Variants in ABLIM1 observed in about 807,000 individuals in gnomAD.
ABLIM1 encodes the protein actin-binding LIM protein 1.
A neutral mutation model predicts 107.0 loss-of-function variants in ABLIM1; 40 were observed. That is an observed-to-expected ratio of 0.37 (90% CI 0.29 to 0.49). The LOEUF (loss-of-function observed/expected upper bound fraction) is 0.49. ABLIM1 is among the 20% of genes least tolerant of loss of function. The pLI is 0.97. For synonymous variants in ABLIM1, 357 were observed against 357.3 expected (o/e 1.00, Z 0.01); for missense variants, 857 against 1,008.5 (o/e 0.85, Z 2.04).
intron 1 of ABLIM1, among the ~76,000 whole-genome samples, chr10:114,744,997 C>T (rs2082354045): frequency 6.6e-6 from 1 of 152,124 alleles, no homozygotes; most frequent in African/African-American, 2.4e-5. Context: ...GCCCCTCTCC[C>T]CAGATAGGGA....
In ABLIM1 at chr10:114,679,048, C is replaced by T. The variant is rs571002135; in HGVS notation, c.64+5242G>A. Among the ~76,000 whole-genome samples the T allele has an allele frequency of 4.7e-4, 72 of 152,194 alleles. No homozygotes were observed. In the South Asian group the frequency reaches 0.014, roughly 30 times the overall value. Reference sequence around the variant, plus strand: ...GGAATTGATGATGTGACTCATCTGGCTTATAGAATAAAGAAGTGACAGTGT... The same window carrying T: ...GGAATTGATGATGTGACTCATCTGGTTTATAGAATAAAGAAGTGACAGTGT... On this transcript the variant is annotated intron_variant, in intron 1 of 23. Transcript: ENST00000369256.
chr10:114,711,713 A>G (rs2141954988), intron 1 of ABLIM1, among the ~76,000 whole-genome samples: 1 of 152,286 alleles, frequency 6.6e-6, no homozygotes. Flanking sequence ...AGTCGATGCT[A>G]GAACCTGAAG....
chr10:114,639,999 C>A (rs145872991), intron 1 of ABLIM1, among the ~76,000 whole-genome samples: 2 of 152,122 alleles, frequency 1.3e-5, no homozygotes, highest in African/African-American at 4.8e-5. Context: ...TTTGAATGCA[C>A]GGAGAAGGCA....
At chr10:114,549,885 A>T (rs189985679) in intron 4 of ABLIM1, among the ~76,000 whole-genome samples, 1 of 152,336 alleles carries the variant, frequency 6.6e-6, no homozygotes, top group East Asian at 1.9e-4. Flanking sequence ...GCTCATTCAT[A>T]AAAAAGTAGT....
At chr10:114,665,215 C>T (rs2079975682) in intron 1 of ABLIM1, among the ~76,000 whole-genome samples, 1 of 152,132 alleles carries the variant, frequency 6.6e-6, no homozygotes, top group South Asian at 2.1e-4. Flanking sequence ...TGATGACATG[C>T]ACACACACAA....
At chr10:114,644,700 G>A (rs1212506010) in intron 1 of ABLIM1, among the ~76,000 whole-genome samples, 1 of 152,076 alleles carries the variant, frequency 6.6e-6, no homozygotes, top group Non-Finnish European at 1.5e-5. Flanking sequence ...GATGAACTGG[G>A]CCAATTAGAT....
intron 1 of ABLIM1, among the ~76,000 whole-genome samples, chr10:114,683,710 G>A (rs541295165): frequency 3.3e-5 from 5 of 152,112 alleles, no homozygotes; most frequent in African/African-American, 4.8e-5. Context: ...ATCAGCAACC[G>A]ATCGCCACAG....
the ABLIM1 span, among the ~76,000 whole-genome samples, chr10:114,798,556 A>ACC: frequency 0.057 from 7,217 of 125,788 alleles, 449 homozygotes; most frequent in African/African-American, 0.09. Context: ...AGATGATGAG[A>ACC]CCCCCCCCCC....
chr10:114,627,004 AG>A (rs1450471266), intron 1 of ABLIM1, among the ~76,000 whole-genome samples: 2 of 152,150 alleles, frequency 1.3e-5, no homozygotes, highest in African/African-American at 4.8e-5. Flanking sequence ...GAACCATCTC[AG>A]CCAACACCTT....
chr10:114,437,982 G>C lies in ABLIM1; in HGVS notation c.2143-58C>G. Reference sequence around the variant, plus strand: ...CCACAGTCCATTTTATTAACAAGCAGAATCCACCTAAACGCTAGTACTCCC... The same window carrying C: ...CCACAGTCCATTTTATTAACAAGCACAATCCACCTAAACGCTAGTACTCCC... On this transcript the variant is annotated intron_variant, in intron 21 of 22. Coordinates refer to ENST00000533213, the MANE Select transcript of ABLIM1 (RefSeq NM_002313.7). 6 of 1,504,968 alleles carry C rather than the reference G, an allele frequency of 4.0e-6. No individual in the cohort carries two copies. The South Asian group carries it at 6.8e-5, about 17-fold the overall frequency. 93.2% of individuals were successfully genotyped at this position (1,504,968 alleles called of 1,614,324 possible).
chr10:114,570,904 C>G (rs930611610), intron 4 of ABLIM1, among the ~76,000 whole-genome samples: 1 of 152,110 alleles, frequency 6.6e-6, no homozygotes, highest in African/African-American at 2.4e-5. Flanking sequence ...CCACACCTGG[C>G]CTATTTTTAA....
intron 1 of ABLIM1, among the ~76,000 whole-genome samples, chr10:114,651,808 G>A (rs1311547063): frequency 2.0e-5 from 3 of 152,280 alleles, no homozygotes; most frequent in Middle Eastern, 3.4e-3. Flanking sequence ...CCATCCTCAG[G>A]AGAACAAAAG....
chr10:114,768,816 C>T (rs1353743693), upstream of ABLIM1, among the ~76,000 whole-genome samples: 1 of 152,114 alleles, frequency 6.6e-6, no homozygotes, highest in Non-Finnish European at 1.5e-5. Context: ...AGAGTCGGGG[C>T]TGGGCCGGGC....
chr10:114,593,113 G>A (rs2075073949), intron 2 of ABLIM1, among the ~76,000 whole-genome samples: 1 of 152,108 alleles, frequency 6.6e-6, no homozygotes, highest in Non-Finnish European at 1.5e-5. Flanking sequence ...TTTTAAAAAT[G>A]ATTGATGAAA....
rs142344148 is a variant in ABLIM1 at position 114,436,324 on chromosome 10, T to C, written c.2273A>G (p.Gln758Arg). 6.9e-4 allele frequency: 1,120 copies of C among 1,613,956 alleles called. No individual in the cohort carries two copies. The highest frequency in any genetic ancestry group is 8.6e-4 in the Non-Finnish European group (1,013 of 1,179,984). ...CCAAAGAGGTAACCTGTCAAACTCCTGTATGGACATTCCAAAGATTTCCCG... is the reference window on the plus strand; with the variant it reads ...CCAAAGAGGTAACCTGTCAAACTCCCGTATGGACATTCCAAAGATTTCCCG... ...VFREIFGMSI[Q>R]EFDRLPLWRR... is the part of the protein sequence containing the mutation. Residue 758 changes from glutamine (Q) to arginine (R), a missense_variant, in exon 23 of 23, where the codon CAG becomes CGG. Gln to Arg is a conservative substitution (Grantham distance 43, BLOSUM62 1). Around this residue, in one of 5 missense-constraint regions of ABLIM1, gnomAD observed 193 missense variants for 208.5 expected, o/e 0.93. Coordinates refer to ENST00000533213, the MANE Select transcript of ABLIM1 (RefSeq NM_002313.7).
At chr10:114,467,531 A>G (rs2065438458) in intron 11 of ABLIM1, among the ~76,000 whole-genome samples, 2 of 152,238 alleles carry the variant, frequency 1.3e-5, no homozygotes, top group Non-Finnish European at 2.9e-5. Flanking sequence ...AACAAAACAA[A>G]AAGTCCCCAG....
chr10:114,673,552 G>A (rs940744953), intron 1 of ABLIM1, among the ~76,000 whole-genome samples: 1 of 152,088 alleles, frequency 6.6e-6, no homozygotes, highest in East Asian at 1.9e-4. Flanking sequence ...CCCTCTGCAG[G>A]CAGTCTCTGT....
At chr10:114,721,977 TG>T (rs1423380713) in intron 1 of ABLIM1, among the ~76,000 whole-genome samples, 1 of 152,102 alleles carries the variant, frequency 6.6e-6, no homozygotes, top group African/African-American at 2.4e-5. Flanking sequence ...AATGTGTGCA[TG>T]TATGTGTGTT....
At chr10:114,798,142 C>T in the ABLIM1 span, among the ~76,000 whole-genome samples, 4 of 152,072 alleles carry the variant, frequency 2.6e-5, no homozygotes, top group African/African-American at 4.8e-5. Flanking sequence ...TGCTATTGGC[C>T]GGGCGCGGTG....
Sources: gnomAD v4.1 joint callset for allele counts (sites outside exome capture counted in the v4.1 genomes callset) on GRCh38, gnomAD v4.1.1 for gene constraint, gnomAD v4.1.1 regional missense constraint, MANE v1.5 for transcripts, NCBI Gene and HGNC (gene_info 2026-07-23, HGNC 2026-07-21) for gene names.